Variants in LARGE1 observed in about 807,000 individuals in gnomAD.
LARGE1 encodes the protein xylosyl- and glucuronyltransferase LARGE1.
In LARGE1, 43 loss-of-function variants were observed where a neutral mutation model predicts 87.6. The observed-to-expected ratio is 0.49, with a 90% CI of 0.38 to 0.63. The LOEUF is 0.63. LARGE1 is among the 30% of genes least tolerant of loss of function. LARGE1 has a pLI of 0.00. For missense variants in LARGE1, 802 were observed against 1,000.2 expected (o/e 0.80, Z 2.67); for synonymous variants, 434 against 394.6 (o/e 1.10, Z -1.18).
intron 1 of LARGE1, among the ~76,000 whole-genome samples, chr22:33,785,499 C>T (rs1005588863): frequency 2.0e-5 from 3 of 152,170 alleles, no homozygotes; most frequent in Admixed American, 6.5e-5. Context: ...TGTGAATCAC[C>T]TACCCTAGGC....
At chr22:33,686,560 A>AAAAAAAG (rs1569371022) in intron 2 of LARGE1, among the ~76,000 whole-genome samples, 8 of 132,802 alleles carry the variant, frequency 6.0e-5, no homozygotes, top group Non-Finnish European at 7.8e-5. Context: ...AAAAAAAAAA[A>AAAAAAAG]AAAAAACAAA....
intron 2 of LARGE1, among the ~76,000 whole-genome samples, chr22:33,655,491 G>A (rs553318269): frequency 3.8e-4 from 58 of 152,174 alleles, no homozygotes; most frequent in African/African-American, 1.2e-3. Flanking sequence ...ACTACACATC[G>A]GCTCTCCTGG....
intron 2 of LARGE1, among the ~76,000 whole-genome samples, chr22:33,753,003 C>T (rs1050091729): frequency 2.0e-5 from 3 of 152,140 alleles, no homozygotes; most frequent in Admixed American, 1.3e-4. Context: ...GGGTGGATCA[C>T]GAGGTCAGGA....
intron 1 of LARGE1, among the ~76,000 whole-genome samples, chr22:33,878,877 G>A (rs2146739401): frequency 6.6e-6 from 1 of 152,262 alleles, no homozygotes; most frequent in South Asian, 2.1e-4. Context: ...AAGAGTGAGG[G>A]TAAATGTTTG....
intron 2 of LARGE1, among the ~76,000 whole-genome samples, chr22:33,691,890 C>A (rs1432293853): frequency 6.6e-6 from 1 of 152,110 alleles, no homozygotes; most frequent in Non-Finnish European, 1.5e-5. Context: ...CCCTCTACCC[C>A]CGTATTTCTT....
At chr22:33,724,026 G>A (rs1425820345) in intron 2 of LARGE1, 1 of 152,630 alleles carries the variant, frequency 6.6e-6, no homozygotes, top group Non-Finnish European at 1.5e-5. Context: ...AGCGTCAAAG[G>A]AAGCTTGGTG....
chr22:33,876,185 C>T (rs543677880), intron 1 of LARGE1, among the ~76,000 whole-genome samples: 175 of 152,246 alleles, frequency 1.1e-3, no homozygotes, highest in African/African-American at 4.1e-3. Context: ...GTACCATGAA[C>T]ACGGGAACCA....
chr22:33,174,625 A>T (rs1313863064), intron 11 of LARGE1, among the ~76,000 whole-genome samples: 5 of 152,302 alleles, frequency 3.3e-5, no homozygotes, highest in African/African-American at 1.2e-4. Context: ...AAGAGAGAAG[A>T]ATCAAATAGA....
intron 7 of LARGE1, among the ~76,000 whole-genome samples, chr22:33,419,334 C>A (rs931676784): frequency 4.0e-5 from 6 of 151,654 alleles, no homozygotes; most frequent in African/African-American, 1.5e-4. Context: ...CAGGGCCTGA[C>A]CATATCAACC....
intron 1 of LARGE1, among the ~76,000 whole-genome samples, chr22:33,834,011 C>T (rs2063044385): frequency 6.6e-6 from 1 of 152,114 alleles, no homozygotes; most frequent in South Asian, 2.1e-4. Context: ...TTTAGCAGAA[C>T]ACTGGAATTC....
intron 5 of LARGE1, among the ~76,000 whole-genome samples, chr22:33,584,211 C>A (rs2078601850): frequency 6.6e-6 from 1 of 152,142 alleles, no homozygotes. Context: ...AAAAAGTATT[C>A]TCTTCTTTGG....
chr22:33,098,836 A>C, the LARGE1 span, among the ~76,000 whole-genome samples: 1 of 152,178 alleles, frequency 6.6e-6, no homozygotes, highest in Admixed American at 6.5e-5. Context: ...CGTGAAGAGG[A>C]CAGAAAGTGA....
In LARGE1 at chr22:33,360,128, C is replaced by G. The variant is rs1266237258; in HGVS notation, c.1131+21791G>C. Among the ~76,000 whole-genome samples, 3 of 149,568 alleles carry G rather than the reference C, an allele frequency of 2.0e-5. 1 individual carries two copies. The highest frequency in any genetic ancestry group is 3.0e-5 in the Non-Finnish European group (2 of 67,116). ...TCGAGTTTGAGACCAGTCTGGCCAA[C>G]ATGGTGAAACCTCGTCTCTATTAAA... On this transcript the variant is annotated intron_variant, in intron 9 of 14. Coordinates refer to ENST00000397394, the MANE Select transcript of LARGE1 (RefSeq NM_133642.5).
intron 1 of LARGE1, among the ~76,000 whole-genome samples, chr22:33,898,550 T>C (rs1016446921): frequency 2.1e-4 from 32 of 152,276 alleles, no homozygotes; most frequent in Admixed American, 2.0e-4. Context: ...AGGTTGGAAG[T>C]TCAAGACCAG....
intron 7 of LARGE1, among the ~76,000 whole-genome samples, chr22:33,391,508 G>A (rs972127760): frequency 2.6e-5 from 4 of 152,076 alleles, no homozygotes; most frequent in African/African-American, 7.2e-5. Context: ...GTGAGAGACA[G>A]GAAGAACAAA....
chr22:33,205,036 GA>G (rs61422535), intron 11 of LARGE1, among the ~76,000 whole-genome samples: 6 of 151,666 alleles, frequency 4.0e-5, no homozygotes, highest in Admixed American at 2.0e-4. Flanking sequence ...ATATTAGGTT[GA>G]AAAAAAATAG....
At chr22:33,871,326 T>G (rs1351832011) in intron 1 of LARGE1, among the ~76,000 whole-genome samples, 1 of 152,232 alleles carries the variant, frequency 6.6e-6, no homozygotes, top group Non-Finnish European at 1.5e-5. Flanking sequence ...ACAAAGCTTT[T>G]ATGTGCTAGG....
chr22:33,116,706 A>G, the LARGE1 span, among the ~76,000 whole-genome samples: 1 of 152,158 alleles, frequency 6.6e-6, no homozygotes, highest in Non-Finnish European at 1.5e-5. Flanking sequence ...ATCACTGGCC[A>G]GACAGCCTCA....
rs141117630 is a variant in LARGE1, at chr22:33,300,098, G to A, written c.1730+4131C>T. Among the ~76,000 whole-genome samples the A allele has an allele frequency of 3.3e-4, 50 of 152,288 alleles. 1 individual carries two copies. The East Asian group carries it at 9.1e-3, about 28-fold the overall frequency. On this transcript the variant is annotated intron_variant, in intron 12 of 14. Transcript: ENST00000397394. ...AAATCAGTGTTTGGGGGTACAAGCC[G>A]AGGGCTGCCAGTCGGCCTGCTCTGG...
Sources: allele counts gnomAD v4.1 joint callset (sites outside exome capture counted in the v4.1 genomes callset), GRCh38; gene constraint gnomAD v4.1.1; transcripts MANE v1.5; gene names NCBI Gene and HGNC (gene_info 2026-07-23, HGNC 2026-07-21).